COL4A2: variants seen among roughly 807,000 people sequenced by gnomAD.
COL4A2 encodes the protein collagen type IV alpha 2 chain.
COL4A2 carries 99 observed loss-of-function variants against 200.2 expected under a neutral mutation model. The ratio of observed to expected loss-of-function variants is 0.49; its 90% CI spans 0.42 to 0.58. The LOEUF is 0.58. Among genes scored for constraint, COL4A2 ranks in the 20% least tolerant of loss-of-function variants. COL4A2 has a pLI of 0.00. For missense variants in COL4A2, 1,950 were observed against 2,314.1 expected (o/e 0.84, Z 3.23); for synonymous variants, 897 against 900.6 (o/e 1.00, Z 0.07).
At chr13:110,368,465 T>C (rs1207762337) in intron 4 of COL4A2, among the ~76,000 whole-genome samples, 1 of 152,206 alleles carries the variant, frequency 6.6e-6, no homozygotes, top group Non-Finnish European at 1.5e-5. Context: ...TGAAACCTAA[T>C]GGTAGACATG....
At chr13:110,357,260 G>A (rs1386442924) in intron 3 of COL4A2, among the ~76,000 whole-genome samples, 1 of 152,014 alleles carries the variant, frequency 6.6e-6, no homozygotes, top group Non-Finnish European at 1.5e-5. Flanking sequence ...AGAGACAGGG[G>A]TATATTGGAA....
intron 3 of COL4A2, among the ~76,000 whole-genome samples, chr13:110,341,220 G>C (rs1238648339): frequency 1.3e-4 from 20 of 152,186 alleles, no homozygotes; most frequent in Admixed American, 1.2e-3. Flanking sequence ...TCGGGACGAC[G>C]GGCTTCTCCC....
intron 4 of COL4A2, among the ~76,000 whole-genome samples, chr13:110,414,208 C>T (rs1321149333): frequency 2.6e-5 from 4 of 152,192 alleles, no homozygotes; most frequent in African/African-American, 7.2e-5. Flanking sequence ...ATTCCCTGTC[C>T]TTTTGTGGGT....
At chr13:110,339,612 G>A (rs1387030349) in intron 3 of COL4A2, among the ~76,000 whole-genome samples, 1 of 152,090 alleles carries the variant, frequency 6.6e-6, no homozygotes, top group Non-Finnish European at 1.5e-5. Flanking sequence ...GTCAAAAGTA[G>A]GTCTTCATTA....
In COL4A2 at chr13:110,495,359, G is replaced by T. The variant is rs748699218; in HGVS notation, c.3652G>T (p.Asp1218Tyr). The T allele has an allele frequency of 4.3e-6, 7 of 1,614,126 alleles. No individual in the cohort carries two copies. Among genetic ancestry groups the T allele is most frequent in the Non-Finnish European group, 3.4e-6 (4 of 1,180,008 alleles). The change falls in exon 40 of 48, where the codon GAC becomes TAC. Residue 1218 changes from aspartate (D) to tyrosine (Y), a missense_variant. Asp to Tyr is a radical substitution (Grantham distance 160, BLOSUM62 -3). This residue lies in a region of COL4A2 where 1,385 missense variants were observed against 1,720.5 expected (regional missense o/e 0.80). Transcript: ENST00000360467. ...TTCCACAGGTTCTGACATCCACGGAGACCCAGGCTTCCCAGGCCCTCCTGG... is the reference window on the plus strand; with the variant it reads ...TTCCACAGGTTCTGACATCCACGGATACCCAGGCTTCCCAGGCCCTCCTGG... Reference protein sequence around the residue: ...PGSPGSDIHGDPGFPGPPGER... With the variant: ...PGSPGSDIHGYPGFPGPPGER...
intron 3 of COL4A2, among the ~76,000 whole-genome samples, chr13:110,318,899 G>A (rs1885211398): frequency 6.6e-6 from 1 of 151,958 alleles, no homozygotes; most frequent in African/African-American, 2.4e-5. Flanking sequence ...TTAACAGTAT[G>A]AAATAATGAA....
intron 4 of COL4A2, among the ~76,000 whole-genome samples, chr13:110,405,552 G>A (rs1183965071): frequency 3.3e-5 from 5 of 151,728 alleles, no homozygotes; most frequent in African/African-American, 7.3e-5. Context: ...GGACCTCCAC[G>A]TTAGACAGGG....
chr13:110,441,323 A>G (rs1881116394), intron 16 of COL4A2, among the ~76,000 whole-genome samples: 1 of 151,950 alleles, frequency 6.6e-6, no homozygotes, highest in South Asian at 2.1e-4. Context: ...TGCCTCCCAG[A>G]CTCGCTTTCT....
At chr13:110,420,323 C>T (rs1193397767) in intron 4 of COL4A2, among the ~76,000 whole-genome samples, 1 of 152,156 alleles carries the variant, frequency 6.6e-6, no homozygotes, top group African/African-American at 2.4e-5. Context: ...CTTGTAACAA[C>T]GCATCATCTC....
chr13:110,505,707 C>G (rs926935778), intron 45 of COL4A2, among the ~76,000 whole-genome samples: 1 of 152,186 alleles, frequency 6.6e-6, no homozygotes, highest in Non-Finnish European at 1.5e-5. Context: ...GGAGGCTGCA[C>G]GCAGAAAGAA....
At position 110,511,944 on chromosome 13, in the gene COL4A2, C is replaced by T. The variant is rs201495557; in HGVS notation, c.4892C>T (p.Ala1631Val). 24 of 1,613,544 alleles carry T rather than the reference C, an allele frequency of 1.5e-5. No individual in the cohort carries two copies. The highest frequency in any genetic ancestry group is 2.7e-5 in the African/African-American group (2 of 75,064). The change falls in exon 48 of 48, where the codon GCG (alanine) becomes GTG (valine). Residue 1631 changes from alanine to valine, a missense_variant. By Grantham distance (64) the Ala-to-Val change is moderately conservative. Transcript: ENST00000360467. ...IGYSFLMHTA[A>V]GDEGGGQSLV... ...CCCCTCTCTGTGCAGCACACGGCGG[C>T]GGGAGACGAAGGCGGTGGCCAATCA...
intron 3 of COL4A2, among the ~76,000 whole-genome samples, chr13:110,348,160 G>T (rs1242419401): frequency 6.6e-6 from 1 of 152,214 alleles, no homozygotes; most frequent in South Asian, 2.1e-4. Flanking sequence ...GACAGGCATC[G>T]ACGCAGTCAT....
Position 110,503,859 on chromosome 13 carries a change from C to G in COL4A2, c.4151C>G (p.Thr1384Ser). The change falls in exon 44 of 48, where the codon ACT becomes AGT. Residue 1384 changes from threonine to serine, a missense_variant. Coordinates refer to ENST00000360467, the MANE Select transcript of COL4A2 (RefSeq NM_001846.4). Reference protein sequence around the residue: ...GDPGFPGAPGTVGAPGIAGIP... With the variant: ...GDPGFPGAPGSVGAPGIAGIP... Reference sequence around the variant, plus strand: ...GTTTCCCTTCCAGGTGCCCCCGGGACTGTGGGAGCCCCCGGGATTGCAGGA... The same window carrying G: ...GTTTCCCTTCCAGGTGCCCCCGGGAGTGTGGGAGCCCCCGGGATTGCAGGA... 2 of 1,613,950 alleles carry G rather than the reference C, an allele frequency of 1.2e-6. No homozygotes were observed. The highest frequency in any genetic ancestry group is 1.7e-6 in the Non-Finnish European group (2 of 1,179,900).
Position 110,322,237 on chromosome 13 carries a change from G to A in COL4A2, c.99+14114G>A, listed in dbSNP as rs115090805. Among the ~76,000 whole-genome samples the A allele has an allele frequency of 9.4e-3, 1,428 of 152,308 alleles. 22 individuals are homozygous for A. Among genetic ancestry groups the A allele is most frequent in the African/African-American group, 0.032 (1,347 of 41,564 alleles). On this transcript the variant is annotated intron_variant, in intron 3 of 47. Transcript: ENST00000360467. ...GGGCTGGCCTGCCTGCCTGTCTCTC[G>A]GAGGCGGCCTGCCCGTGCCTCTGTT...
intron 47 of COL4A2, among the ~76,000 whole-genome samples, chr13:110,509,270 T>TATACACACACACACACACACACAC (rs1435137108): frequency 8.7e-6 from 1 of 115,600 alleles, no homozygotes; most frequent in African/African-American, 3.5e-5. Flanking sequence ...TATATATATA[T>TATACACACACACACACACACACAC]ACACACACAC....
intron 4 of COL4A2, among the ~76,000 whole-genome samples, chr13:110,396,210 T>A (rs1399689298): frequency 6.6e-6 from 1 of 152,264 alleles, no homozygotes. Flanking sequence ...CTGCATTTGT[T>A]ACAACTGATA....
chr13:110,425,587 C>T (rs909777948), intron 6 of COL4A2, among the ~76,000 whole-genome samples: 3 of 152,240 alleles, frequency 2.0e-5, no homozygotes, highest in African/African-American at 7.2e-5. Context: ...CCAGGGTTGG[C>T]TTCCTGGCCA....
intron 3 of COL4A2, among the ~76,000 whole-genome samples, chr13:110,338,441 G>C (rs543137968): frequency 2.0e-5 from 3 of 148,896 alleles, no homozygotes; most frequent in African/African-American, 4.9e-5. Context: ...GTGTGGGGGG[G>C]GGTGGGGGTA....
intron 29 of COL4A2, among the ~76,000 whole-genome samples, chr13:110,477,512 A>G (rs1357761853): frequency 6.6e-6 from 1 of 152,246 alleles, no homozygotes; most frequent in Admixed American, 6.5e-5. Flanking sequence ...CGACATGGAC[A>G]TGGATAAACA....
Sources: allele counts gnomAD v4.1 joint callset (sites outside exome capture counted in the v4.1 genomes callset), GRCh38; gene constraint gnomAD v4.1.1; regional missense constraint gnomAD v4.1.1; transcripts MANE v1.5; gene names NCBI Gene and HGNC (gene_info 2026-07-23, HGNC 2026-07-21).